The following KCNK10 variants were observed in gnomAD, a reference collection of about 807,000 sequenced individuals.
KCNK10 encodes the protein potassium two pore domain channel subfamily K member 10, also known as potassium channel subfamily K member 10.
Under a neutral mutation model 47.7 loss-of-function variants are expected in KCNK10, and 25 were observed. The observed-to-expected ratio is 0.52, with a 90% CI of 0.38 to 0.73. The LOEUF (loss-of-function observed/expected upper bound fraction) is 0.73, where lower values mean the gene tolerates loss of function less well. Among genes scored for constraint, KCNK10 ranks in the 30% least tolerant of loss-of-function variants. The pLI is 0.00. For synonymous variants in KCNK10, 303 were observed against 285.6 expected (o/e 1.06, Z -0.61); for missense variants, 563 against 714.5 (o/e 0.79, Z 2.42).
chr14:88,201,943 C>G (rs1039227515), intron 4 of KCNK10, among the ~76,000 whole-genome samples: 1 of 152,204 alleles, frequency 6.6e-6, no homozygotes, highest in African/African-American at 2.4e-5. Flanking sequence ...CAGTGCCCTA[C>G]CCTTTGGTAG....
At chr14:88,269,715 G>A (rs1887356826) in intron 1 of KCNK10, among the ~76,000 whole-genome samples, 1 of 152,168 alleles carries the variant, frequency 6.6e-6, no homozygotes, top group Admixed American at 6.5e-5. Context: ...GGGATTACAA[G>A]TATGAGCCAC....
At chr14:88,231,668 C>G (rs191088525) in intron 3 of KCNK10, among the ~76,000 whole-genome samples, 1 of 152,226 alleles carries the variant, frequency 6.6e-6, no homozygotes, top group Non-Finnish European at 1.5e-5. Flanking sequence ...GGGACTTTCT[C>G]ACGTTGAATT....
At chr14:88,204,178 G>T (rs1885191871) in intron 4 of KCNK10, among the ~76,000 whole-genome samples, 1 of 152,174 alleles carries the variant, frequency 6.6e-6, no homozygotes, top group East Asian at 1.9e-4. Context: ...AGAGGGAGAG[G>T]GCTAAGAAGA....
intron 4 of KCNK10, among the ~76,000 whole-genome samples, chr14:88,207,368 G>T (rs1431580955): frequency 6.6e-6 from 1 of 151,966 alleles, no homozygotes; most frequent in Non-Finnish European, 1.5e-5. Flanking sequence ...AGGAGACGGG[G>T]TTTCACCATG....
intron 1 of KCNK10, among the ~76,000 whole-genome samples, chr14:88,313,396 G>T (rs977538229): frequency 1.2e-4 from 18 of 152,304 alleles, no homozygotes; most frequent in Admixed American, 3.9e-4. Flanking sequence ...GGCGTCTAAT[G>T]AAAAGAACGT....
chr14:88,313,029 G>C lies in KCNK10; in HGVS notation c.52+9718C>G, dbSNP rs74835365. Reference sequence around the variant, plus strand: ...AGACTTCTGAACTACAGGATTATCAGAGAGAGGCATATGAGGCAGAGGTAA... The same window carrying C: ...AGACTTCTGAACTACAGGATTATCACAGAGAGGCATATGAGGCAGAGGTAA... On this transcript the variant is annotated intron_variant, in intron 1 of 6. Transcript: ENST00000319231. Among the ~76,000 whole-genome samples, 1,066 of 152,306 alleles carry C rather than the reference G, an allele frequency of 7.0e-3. 6 individuals are homozygous for C. Among genetic ancestry groups the C allele is most frequent in the Middle Eastern group, 0.02 (6 of 294 alleles).
intron 4 of KCNK10, among the ~76,000 whole-genome samples, chr14:88,218,819 T>G (rs1459399076): frequency 1.3e-5 from 2 of 152,164 alleles, no homozygotes; most frequent in Admixed American, 1.3e-4. Context: ...CAAAACCTGC[T>G]TCAGAATCCA....
intron 1 of KCNK10, among the ~76,000 whole-genome samples, chr14:88,270,148 G>A (rs1887367838): frequency 6.6e-6 from 1 of 152,160 alleles, no homozygotes; most frequent in Admixed American, 6.5e-5. Flanking sequence ...ATCATTCCGG[G>A]GCCACCTGCA....
At chr14:88,266,627 G>A (rs1460417654) in intron 1 of KCNK10, among the ~76,000 whole-genome samples, 7 of 152,132 alleles carry the variant, frequency 4.6e-5, no homozygotes, top group East Asian at 1.9e-4. Flanking sequence ...AAGCCCCATC[G>A]GAATCACCAG....
intron 1 of KCNK10, among the ~76,000 whole-genome samples, chr14:88,294,666 C>T (rs1443410899): frequency 6.6e-6 from 1 of 152,218 alleles, no homozygotes; most frequent in African/African-American, 2.4e-5. Context: ...CATAGGGCTA[C>T]ATGGGCAAAG....
At chr14:88,251,403 A>G (rs1486626248) in intron 2 of KCNK10, among the ~76,000 whole-genome samples, 2 of 152,114 alleles carry the variant, frequency 1.3e-5, no homozygotes, top group Non-Finnish European at 2.9e-5. Flanking sequence ...GACAGAGAAA[A>G]GTAAAGGTCA....
Position 88,186,244 on chromosome 14 carries a change from G to C in KCNK10, c.1012-89C>G. On this transcript the variant is annotated intron_variant, in intron 6 of 6. Coordinates refer to ENST00000319231, the MANE Select transcript of KCNK10 (RefSeq NM_138317.3). This position sits in a 1 kb window ranked among gnomAD's most constrained non-coding sequence, Gnocchi z 5.5. ...ACCCACAGCCCTCGGGTGTCCCCAC[G>C]GGGAGGCCAGGAGGTGACGGAGCAC... 22 of 1,433,928 alleles carry C rather than the reference G, an allele frequency of 1.5e-5. No individual in the cohort carries two copies. The highest frequency in any genetic ancestry group is 1.9e-5 in the Non-Finnish European group (20 of 1,080,028). 88.8% of individuals were successfully genotyped at this position (1,433,928 alleles called of 1,614,324 possible). A position where few individuals can be genotyped will look rare whatever the true frequency, so the allele number is the denominator to read the frequency against.
intron 1 of KCNK10, among the ~76,000 whole-genome samples, chr14:88,296,551 T>C (rs918972579): frequency 6.6e-6 from 1 of 152,222 alleles, no homozygotes; most frequent in African/African-American, 2.4e-5. Context: ...GCTGTTTCTC[T>C]TTCCTCCTGC....
chr14:88,259,398 G>C (rs765841721), intron 2 of KCNK10, among the ~76,000 whole-genome samples: 13 of 152,218 alleles, frequency 8.5e-5, no homozygotes, highest in Non-Finnish European at 1.5e-4. Flanking sequence ...GTCCAGGACT[G>C]ATGCTCAATG....
chr14:88,192,949 C>G (rs1403437207), intron 4 of KCNK10, among the ~76,000 whole-genome samples: 1 of 152,222 alleles, frequency 6.6e-6, no homozygotes, highest in Non-Finnish European at 1.5e-5. Context: ...TCATCCCCAT[C>G]TTCACCTGTG....
intron 2 of KCNK10, among the ~76,000 whole-genome samples, chr14:88,245,571 T>C (rs1485375354): frequency 6.6e-6 from 1 of 152,168 alleles, no homozygotes; most frequent in Non-Finnish European, 1.5e-5. Flanking sequence ...AGTGCTGCAC[T>C]GGGATGAATG....
intron 1 of KCNK10, among the ~76,000 whole-genome samples, chr14:88,305,432 C>A (rs1888184810): frequency 6.6e-6 from 1 of 152,074 alleles, no homozygotes; most frequent in African/African-American, 2.4e-5. Context: ...CTGGAACATG[C>A]CTCATCAAGC....
Position 88,203,885 on chromosome 14 carries a change from G to A in KCNK10, c.682-11475C>T, listed in dbSNP as rs184214104. Among the ~76,000 whole-genome samples the A allele has an allele frequency of 2.8e-4, 42 of 152,318 alleles. 1 individual carries two copies. The East Asian group carries it at 6.9e-3, about 25-fold the overall frequency. ...ACGGTGACAACCCCTGCCAGTACCC[G>A]AGGGCAGGGAAACTTGGACAGGGTA... On this transcript the variant is annotated intron_variant, in intron 4 of 6. Coordinates refer to ENST00000319231, the MANE Select transcript of KCNK10 (RefSeq NM_138317.3).
At chr14:88,218,552 A>G (rs946391399) in intron 4 of KCNK10, among the ~76,000 whole-genome samples, 1 of 149,642 alleles carries the variant, frequency 6.7e-6, no homozygotes, top group African/African-American at 2.4e-5. Context: ...GGGCGGGGGG[A>G]AAGCCAAAAA....
Sources: allele counts gnomAD v4.1 joint callset (sites outside exome capture counted in the v4.1 genomes callset), GRCh38; gene constraint gnomAD v4.1.1; non-coding constraint Gnocchi (gnomAD v3.1); transcripts MANE v1.5; gene names NCBI Gene and HGNC (gene_info 2026-07-23, HGNC 2026-07-21).